Variants in MED21 observed in about 807,000 individuals in gnomAD.
MED21 encodes the protein mediator of RNA polymerase II transcription subunit 21.
Under a neutral mutation model 18.2 loss-of-function variants are expected in MED21, and 9 were observed. The ratio of observed to expected loss-of-function variants is 0.49; its 90% CI spans 0.30 to 0.86. MED21 has a LOEUF of 0.86. Ranked by LOEUF, MED21 falls within the 40% of genes least tolerant of loss-of-function variation. MED21 has a pLI of 0.07. For missense variants in MED21, 150 were observed against 170.9 expected, an observed-to-expected ratio of 0.88 and a Z score of 0.68; for synonymous variants, 73 against 60.5, an observed-to-expected ratio of 1.21 and a Z score of -0.96.
intron 3 of MED21, among the ~76,000 whole-genome samples, chr12:27,027,978 C>T (rs1308008467): frequency 1.3e-5 from 2 of 152,166 alleles, no homozygotes; most frequent in South Asian, 2.1e-4. Flanking sequence ...TTATTTTCCT[C>T]AATTTTGTCT....
chr12:27,038,544 T>C (rs1219722959), intron 2 of MED21: 3 of 152,174 alleles, frequency 2.0e-5, no homozygotes, highest in African/African-American at 7.2e-5. Flanking sequence ...CTTGATGAGT[T>C]AGGGCCAAAA....
Position 27,028,681 on chromosome 12 carries a change from CTGAG to C in MED21, c.*224_*227del. On this transcript the variant is annotated 3_prime_UTR_variant, in exon 4 of 4. Coordinates refer to ENST00000282892, the MANE Select transcript of MED21 (RefSeq NM_004264.5). Reference sequence around the variant, plus strand: ...AAAGCATCATACCATCATTTTTTAACTGAGTGAAATTATTAAGGCATGTAATACA... The same window carrying C: ...AAAGCATCATACCATCATTTTTTAACTGAAATTATTAAGGCATGTAATACA... 8.3e-7 allele frequency: 1 copy of C among 1,207,126 alleles called. No homozygotes were observed. The highest frequency in any genetic ancestry group is 1.0e-6 in the Non-Finnish European group (1 of 966,970). The allele number at this position is 1,207,126 out of a possible 1,614,324, so 74.8% of individuals were successfully genotyped here. A position where few individuals can be genotyped will look rare whatever the true frequency, so the allele number is the denominator to read the frequency against.
intron 2 of MED21, chr12:27,037,120 C>A (rs1228247078): frequency 6.6e-6 from 1 of 151,342 alleles, no homozygotes; most frequent in East Asian, 1.9e-4. Flanking sequence ...TTTCCTTGAG[C>A]AGTGGTTTGT....
intron 1 of MED21, among the ~76,000 whole-genome samples, chr12:27,026,163 T>C (rs1318677903): frequency 6.6e-6 from 1 of 152,256 alleles, no homozygotes; most frequent in African/African-American, 2.4e-5. Flanking sequence ...GATTATTTTG[T>C]ATTTCAACTG....
chr12:27,026,563 T>A (rs1301550247), intron 2 of MED21, 29 bp downstream of exon 2: 24 of 1,391,426 alleles, frequency 1.7e-5, no homozygotes, highest in Non-Finnish European at 2.4e-5. Flanking sequence ...CTTCTCTTAG[T>A]TTGACTCTCA....
downstream of MED21, among the ~76,000 whole-genome samples, chr12:27,034,737 G>GATTTGAC (rs1361169778): frequency 2.0e-5 from 3 of 151,988 alleles, no homozygotes. Context: ...CACCACACCC[G>GATTTGAC]ATTTGACTCA....
At position 27,027,368 on chromosome 12, in the gene MED21, C is replaced by T. The variant is rs1361983738; in HGVS notation, c.179C>T (p.Ala60Val). The stretch of plus-strand genomic sequence containing the variant: ...CTAGAGTATGCCCAGCTTTTTGCAG[C>T]ACTGATTGCACGAACAGCAAAAGAC... Reference protein sequence around the residue: ...PTEEYAQLFAALIARTAKDID... With the variant: ...PTEEYAQLFAVLIARTAKDID... The change falls in exon 3 of 4, where the codon GCA (alanine) becomes GTA (valine). Residue 60 changes from alanine to valine, a missense_variant. By Grantham distance (64) the Ala-to-Val change is moderately conservative (BLOSUM62 0). Coordinates refer to ENST00000282892, the MANE Select transcript of MED21 (RefSeq NM_004264.5). 1 of 1,613,476 alleles carries T rather than the reference C, an allele frequency of 6.2e-7. No homozygotes were observed. The highest frequency in any genetic ancestry group is 1.7e-5 in the Admixed American group (1 of 59,982).
At chr12:27,035,870 G>T (rs1243369192) in intron 2 of MED21, among the ~76,000 whole-genome samples, 1 of 151,510 alleles carries the variant, frequency 6.6e-6, no homozygotes, top group East Asian at 1.9e-4. Context: ...CCAAGTCTTT[G>T]CTATTGTGAA....
In MED21 at chr12:27,030,100, G is replaced by T. The variant is rs1941599013; in HGVS notation, c.*1639G>T. Reference sequence around the variant, plus strand: ...GAAAAAAATTAACGTTGTTGTATGTGATTCTCTGTAGAGGATATACAGTTT... The same window carrying T: ...GAAAAAAATTAACGTTGTTGTATGTTATTCTCTGTAGAGGATATACAGTTT... On this transcript the variant is annotated 3_prime_UTR_variant, in exon 4 of 4. Coordinates refer to ENST00000282892, the MANE Select transcript of MED21 (RefSeq NM_004264.5). 5.8e-6 allele frequency: 3 copies of T among 517,504 alleles called. No homozygotes were observed. The highest frequency in any genetic ancestry group is 1.0e-5 in the Non-Finnish European group (3 of 286,468). 32.1% of individuals were successfully genotyped at this position (517,504 alleles called of 1,614,324 possible).
intron 1 of MED21, among the ~76,000 whole-genome samples, chr12:27,023,281 T>C (rs1428843130): frequency 1.4e-5 from 2 of 145,484 alleles, no homozygotes; most frequent in Non-Finnish European, 3.0e-5. Context: ...TTTCCGCTTA[T>C]TTGAGTCTTT....
intron 2 of MED21, among the ~76,000 whole-genome samples, 178 bp from the exon 3 acceptor site, chr12:27,027,169 C>G (rs556690849): frequency 5.3e-5 from 8 of 152,176 alleles, no homozygotes; most frequent in South Asian, 2.1e-4. Context: ...CCTCGTGATC[C>G]GCCTGCCTTG....
At chr12:27,026,716 G>A (rs1167157691) in intron 2 of MED21, among the ~76,000 whole-genome samples, 182 bp downstream of exon 2, 2 of 152,082 alleles carry the variant, frequency 1.3e-5, no homozygotes, top group Non-Finnish European at 2.9e-5. Flanking sequence ...CATAATTCTG[G>A]TTCATGTCAG....
At chr12:27,034,155 C>G (rs1941635855), downstream of MED21, among the ~76,000 whole-genome samples, 1 of 152,198 alleles carries the variant, frequency 6.6e-6, no homozygotes, top group Non-Finnish European at 1.5e-5. Flanking sequence ...GTGACTCACA[C>G]CTGTAGTCCC....
downstream of MED21, among the ~76,000 whole-genome samples, chr12:27,035,178 C>T (rs1941642231): frequency 6.6e-6 from 1 of 152,110 alleles, no homozygotes; most frequent in Non-Finnish European, 1.5e-5. Flanking sequence ...CACACACCAG[C>T]CTGGTGACAG....
downstream of MED21, among the ~76,000 whole-genome samples, chr12:27,035,403 C>CT (rs374063412): frequency 7.2e-3 from 996 of 137,446 alleles, 6 homozygotes; most frequent in African/African-American, 0.022. Context: ...AACTAAATCT[C>CT]TTTTTTTTTT....
chr12:27,031,846 G>A (rs942938666), downstream of MED21, among the ~76,000 whole-genome samples: 1 of 152,150 alleles, frequency 6.6e-6, no homozygotes, highest in African/African-American at 2.4e-5. Context: ...TCACCCTAAA[G>A]CCCTTATTGC....
At chr12:27,031,536 C>T (rs139059098), downstream of MED21, among the ~76,000 whole-genome samples, 589 of 152,226 alleles carry the variant, frequency 3.9e-3, no homozygotes, top group Middle Eastern at 6.8e-3. Context: ...GTAACTTTTA[C>T]CATAGACTGT....
Position 27,028,296 on chromosome 12 carries a change from G to A in MED21, c.270G>A (p.Leu90=). 6.2e-7 allele frequency: 1 copy of A among 1,612,456 alleles called. No individual in the cohort carries two copies. ...TGTGTCTTATAAAGGCTGCTAGCTT[G>A]TATAAGCTAGAAGAAGAAAACCATG... ...ESTAALQAAS[L]YKLEEENHEA... Residue 90 remains leucine, a synonymous_variant, in exon 4 of 4, where the codon TTG becomes TTA. Transcript: ENST00000282892.
At chr12:27,036,653 A>G (rs1033739610) in intron 2 of MED21, among the ~76,000 whole-genome samples, 1 of 152,242 alleles carries the variant, frequency 6.6e-6, no homozygotes, top group Non-Finnish European at 1.5e-5. Flanking sequence ...AGCTTTCTAC[A>G]TATGGCTAGC....
Sources: allele counts gnomAD v4.1 joint callset (sites outside exome capture counted in the v4.1 genomes callset), GRCh38; gene constraint gnomAD v4.1.1; transcripts MANE v1.5; gene names NCBI Gene and HGNC (gene_info 2026-07-23, HGNC 2026-07-21).